UACA: variants seen among roughly 807,000 people sequenced by gnomAD.
The protein encoded by UACA is nuclear membrane binding protein.
Under a neutral mutation model 160.5 loss-of-function variants are expected in UACA, and 112 were observed. That is an observed-to-expected ratio of 0.70 (90% confidence interval 0.60 to 0.82). The LOEUF (loss-of-function observed/expected upper bound fraction) is 0.82. Among genes scored for constraint, UACA ranks in the 40% least tolerant of loss-of-function variants. The pLI, the probability that UACA is intolerant of heterozygous loss-of-function variation, is 0.00. For synonymous variants in UACA, 557 were observed against 568.4 expected (o/e 0.98, Z 0.29); for missense variants, 1,574 against 1,614.6 (o/e 0.97, Z 0.43).
At chr15:70,669,538 G>C in intron 15 of UACA, 76 bp from the exon 16 acceptor site, 1 of 1,183,842 alleles carries the variant, frequency 8.4e-7, no homozygotes, top group Non-Finnish European at 1.2e-6. Context: ...GCCAAACTTA[G>C]AGAAAGTTAG....
At chr15:70,744,268 AG>A (rs779798863) in intron 1 of UACA, among the ~76,000 whole-genome samples, 1 of 148,782 alleles carries the variant, frequency 6.7e-6, no homozygotes, top group Admixed American at 6.7e-5. Context: ...AAAAAAAAAA[AG>A]AAAGAAAAAC....
intron 1 of UACA, among the ~76,000 whole-genome samples, chr15:70,744,832 T>C (rs1899652472): frequency 7.4e-6 from 1 of 136,010 alleles, no homozygotes; most frequent in Non-Finnish European, 1.5e-5. Flanking sequence ...GTCAGGATTC[T>C]GCCTACTGGT....
chr15:70,702,415 G>A, intron 1 of UACA: 1 of 624,402 alleles, frequency 1.6e-6, no homozygotes, highest in Non-Finnish European at 2.0e-6. Context: ...TGATAGAAAG[G>A]AGCAGCTAAG....
chr15:70,684,882 T>A (rs910586515), intron 7 of UACA, among the ~76,000 whole-genome samples: 5 of 152,296 alleles, frequency 3.3e-5, no homozygotes, highest in Middle Eastern at 6.8e-3. Context: ...CTTTAATTAC[T>A]TCTACTACCA....
At chr15:70,712,521 C>T (rs548897742) in intron 1 of UACA, among the ~76,000 whole-genome samples, 1 of 152,284 alleles carries the variant, frequency 6.6e-6, no homozygotes, top group African/African-American at 2.4e-5. Context: ...TCCTGTCCCA[C>T]CTCAGTTAAA....
Position 70,690,764 on chromosome 15 carries a change from T to C in UACA, c.367-253A>G, listed in dbSNP as rs189995893. On this transcript the variant is annotated intron_variant, in intron 4 of 18. Transcript: ENST00000322954. ...GAATGGCATGAAATACAGGAAAATA[T>C]GTATTGTTTGGGGTTTTTTTTTCCA... 1.2e-3 allele frequency among the ~76,000 whole-genome samples: 185 copies of C among 152,168 alleles called. 5 individuals carry two copies. The highest frequency in any genetic ancestry group is 0.012 in the Admixed American group (182 of 15,280).
intron 1 of UACA, among the ~76,000 whole-genome samples, chr15:70,702,561 C>T (rs1461725337): frequency 2.0e-5 from 3 of 152,116 alleles, no homozygotes; most frequent in Admixed American, 2.0e-4. Context: ...TTTTAAGAGA[C>T]AAATTTGGTT....
intron 13 of UACA, among the ~76,000 whole-genome samples, chr15:70,674,252 A>G (rs1897234707): frequency 1.3e-5 from 2 of 152,180 alleles, no homozygotes; most frequent in African/African-American, 2.4e-5. Context: ...GTAAAAAATC[A>G]TATCTAGCAT....
At chr15:70,684,529 T>G (rs929183458) in intron 7 of UACA, 83 bp from the exon 8 acceptor site, 3 of 1,384,142 alleles carry the variant, frequency 2.2e-6, no homozygotes, top group Non-Finnish European at 2.9e-6. Context: ...TGTTGAACAC[T>G]GTCTTAGTGT....
the UACA span, among the ~76,000 whole-genome samples, chr15:70,768,617 G>C: frequency 6.6e-6 from 1 of 152,094 alleles, no homozygotes; most frequent in South Asian, 2.1e-4. Flanking sequence ...TTTAAAACAG[G>C]CTACTCAGCC....
At chr15:70,710,293 A>G (rs16954699) in intron 1 of UACA, among the ~76,000 whole-genome samples, 30,668 of 152,052 alleles carry the variant, frequency 0.2, 5,072 homozygotes, top group African/African-American at 0.46. Flanking sequence ...TAAATCTGAG[A>G]AAAGCAATGG....
chr15:70,744,522 A>G (rs1309274776), intron 1 of UACA, among the ~76,000 whole-genome samples: 2 of 152,210 alleles, frequency 1.3e-5, no homozygotes, highest in East Asian at 1.9e-4. Context: ...TAGCCAGAGA[A>G]GAGAACTATT....
At chr15:70,664,596 C>T in intron 17 of UACA, 66 bp downstream of exon 17, 3 of 1,513,866 alleles carry the variant, frequency 2.0e-6, no homozygotes, top group East Asian at 2.3e-5. Flanking sequence ...TCTAAATGAG[C>T]CTTACAAACT....
In UACA at chr15:70,684,348, T is replaced by C. The variant is rs773009171; in HGVS notation, c.701A>G (p.His234Arg). ...ADISLLDALG[H>R]DSSYYARIGD... ...AATTCTTGCATAGTAAGAACTATCA[T>C]GGCCAAGCGCATCCAGCAAGCTTAT... The change falls in exon 8 of 19, where the codon CAT becomes CGT. Residue 234 changes from histidine (H) to arginine (R), a missense_variant. Coordinates refer to ENST00000322954, the MANE Select transcript of UACA (RefSeq NM_018003.4). 7 of 1,613,874 alleles carry C rather than the reference T, an allele frequency of 4.3e-6. No individual in the cohort carries two copies. The highest frequency in any genetic ancestry group is 5.9e-6 in the Non-Finnish European group (7 of 1,179,824).
chr15:70,746,919 T>C (rs1364319635), intron 1 of UACA, among the ~76,000 whole-genome samples: 1 of 151,952 alleles, frequency 6.6e-6, no homozygotes, highest in Non-Finnish European at 1.5e-5. Flanking sequence ...CACTCATAAG[T>C]AGGAGTTGAA....
chr15:70,705,338 G>C (rs1025483403), intron 1 of UACA, among the ~76,000 whole-genome samples: 1 of 152,028 alleles, frequency 6.6e-6, no homozygotes, highest in Non-Finnish European at 1.5e-5. Flanking sequence ...AGACCAGCCT[G>C]ACCAATGGGG....
chr15:70,668,301 C>T lies in UACA; in HGVS notation c.2383G>A (p.Asp795Asn), dbSNP rs1322815679. 6.2e-7 allele frequency: 1 copy of T among 1,613,154 alleles called. No individual in the cohort carries two copies. The highest frequency in any genetic ancestry group is 1.3e-5 in the African/African-American group (1 of 74,980). Residue 795 changes from aspartate to asparagine, a missense_variant, in exon 16 of 19, where the codon GAT becomes AAT. Asp to Asn is a conservative substitution (Grantham distance 23, BLOSUM62 1). Transcript: ENST00000322954. ...AACACAGTTTCTAGGCGGCTTACAT[C>T]CTTACTTAAGCTGTCATTTTCCAGT... ...LLLENDSLSK[D>N]VSRLETVFVP...
chr15:70,767,257 CA>C (rs1298617034), upstream of UACA, among the ~76,000 whole-genome samples: 1 of 94,278 alleles, frequency 1.1e-5, no homozygotes, highest in African/African-American at 6.2e-5. Context: ...AAAAAAAAAA[CA>C]AAAAACAAAA....
intron 8 of UACA, among the ~76,000 whole-genome samples, chr15:70,683,485 C>G (rs1897588402): frequency 6.6e-6 from 1 of 151,814 alleles, no homozygotes; most frequent in Admixed American, 6.6e-5. Context: ...AGGAACCGAC[C>G]CTAAAGGGTA....
Sources: allele counts gnomAD v4.1 joint callset (sites outside exome capture counted in the v4.1 genomes callset), GRCh38; gene constraint gnomAD v4.1.1; transcripts MANE v1.5; gene names NCBI Gene and HGNC (gene_info 2026-07-23, HGNC 2026-07-21).